The following ZRANB3 variants were observed in gnomAD, a reference collection of about 807,000 sequenced individuals.
ZRANB3 encodes the protein zinc finger RANBP2-type containing 3, also known as DNA annealing helicase and endonuclease ZRANB3.
Under a neutral mutation model 133.8 loss-of-function variants are expected in ZRANB3, and 125 were observed. That is an observed-to-expected ratio of 0.93 (90% CI 0.81 to 1.08). The LOEUF (loss-of-function observed/expected upper bound fraction) is 1.08. Among genes scored for constraint, ZRANB3 ranks in the 50% least tolerant of loss-of-function variants. The pLI is 0.00. For synonymous variants in ZRANB3, 387 were observed against 432.7 expected (o/e 0.89, Z 1.31); for missense variants, 1,229 against 1,275.5 (o/e 0.96, Z 0.56).
intron 3 of ZRANB3, among the ~76,000 whole-genome samples, chr2:135,386,710 G>A (rs1214728375): frequency 1.3e-5 from 2 of 152,146 alleles, no homozygotes; most frequent in South Asian, 2.1e-4. Context: ...GATGAAGCTG[G>A]AAACCATAAT....
intron 19 of ZRANB3, among the ~76,000 whole-genome samples, chr2:135,205,232 T>G (rs1482362433): frequency 6.6e-6 from 1 of 152,170 alleles, no homozygotes; most frequent in Non-Finnish European, 1.5e-5. Context: ...GGGCACACAG[T>G]GGCTGAGGGG....
intron 12 of ZRANB3, among the ~76,000 whole-genome samples, chr2:135,248,904 T>TCAA (rs796422861): frequency 1.3e-5 from 2 of 151,696 alleles, no homozygotes; most frequent in South Asian, 2.1e-4. Flanking sequence ...AGACTCTGTC[T>TCAA]CAACAACAAC....
chr2:135,485,933 G>A (rs1382857019), intron 2 of ZRANB3, among the ~76,000 whole-genome samples: 1 of 152,080 alleles, frequency 6.6e-6, no homozygotes. Flanking sequence ...AAACATTCTT[G>A]TTCAACAGTA....
chr2:135,251,094 C>T (rs1679369635), intron 12 of ZRANB3, among the ~76,000 whole-genome samples: 1 of 152,238 alleles, frequency 6.6e-6, no homozygotes, highest in African/African-American at 2.4e-5. Context: ...CCTTTTGCAT[C>T]AGTGTTACCT....
At position 135,353,503 on chromosome 2, in the gene ZRANB3, G is replaced by C; in HGVS notation, c.306C>G (p.Ile102Met). 1 of 1,609,680 alleles carries C rather than the reference G, an allele frequency of 6.2e-7. No homozygotes were observed. The highest frequency in any genetic ancestry group is 8.5e-7 in the Non-Finnish European group (1 of 1,177,530). ...YPWTEEIEKW[I>M]PELSPEEINV... The stretch of plus-strand genomic sequence containing the variant: ...TGATTTCTTCTGGACTTAGCTCTGG[G>C]ATCCATTTTTCAATTTCTTCTGTCC... The change falls in exon 4 of 21, where the codon ATC (isoleucine) becomes ATG (methionine). Residue 102 changes from isoleucine (I) to methionine (M), a missense_variant. Ile to Met is a conservative substitution (Grantham distance 10, BLOSUM62 1). Coordinates refer to ENST00000264159, the MANE Select transcript of ZRANB3 (RefSeq NM_032143.4).
intron 2 of ZRANB3, among the ~76,000 whole-genome samples, chr2:135,395,775 G>C (rs1433977636): frequency 1.3e-5 from 2 of 152,164 alleles, no homozygotes; most frequent in African/African-American, 4.8e-5. Context: ...GATTTCTTGA[G>C]TAATAACCCA....
At chr2:135,325,304 TAATA>T (rs1683753145) in intron 6 of ZRANB3, among the ~76,000 whole-genome samples, 1 of 152,150 alleles carries the variant, frequency 6.6e-6, no homozygotes, top group Non-Finnish European at 1.5e-5. Context: ...CATTGAAAAT[TAATA>T]AATGAGAAGG....
chr2:135,345,558 T>C lies in ZRANB3; in HGVS notation c.669A>G (p.Ala223=). Residue 223 remains alanine, a synonymous_variant, in exon 6 of 21, where the codon GCA becomes GCG. Transcript: ENST00000264159. ...AAAATAGTTTAACTTACCTGATGTG[T>C]GCATTACAGTATCTTTTTGCATAGT... ...WTDYAKRYCN[A]HIRYFGKRPQ... 1.2e-6 allele frequency: 2 copies of C among 1,610,864 alleles called. No homozygotes were observed. Among genetic ancestry groups the C allele is most frequent in the South Asian group, 2.2e-5 (2 of 90,422 alleles).
At chr2:135,392,306 C>T (rs1687271415) in intron 2 of ZRANB3, among the ~76,000 whole-genome samples, 2 of 128,800 alleles carry the variant, frequency 1.6e-5, no homozygotes, top group Non-Finnish European at 3.1e-5. Flanking sequence ...AAAGGGAGAC[C>T]CTATCTCTAA....
chr2:135,526,728 C>T (rs1008235564), intron 1 of ZRANB3, among the ~76,000 whole-genome samples: 1 of 152,082 alleles, frequency 6.6e-6, no homozygotes, highest in Admixed American at 6.5e-5. Context: ...CTTTGTTTTC[C>T]TACCTTCCTT....
intron 5 of ZRANB3, among the ~76,000 whole-genome samples, chr2:135,346,653 C>T (rs1684944315): frequency 6.6e-6 from 1 of 151,958 alleles, no homozygotes; most frequent in African/African-American, 2.4e-5. Flanking sequence ...TACCATGTTG[C>T]CCAGTAAGAA....
intron 7 of ZRANB3, 68 bp from the exon 8 acceptor site, chr2:135,313,673 G>T: frequency 1.0e-6 from 1 of 959,112 alleles, no homozygotes; most frequent in South Asian, 1.8e-5. Flanking sequence ...ATGCAATCAT[G>T]AATCATGTCC....
chr2:135,210,300 T>C (rs1393947087), intron 17 of ZRANB3, among the ~76,000 whole-genome samples: 4 of 151,932 alleles, frequency 2.6e-5, no homozygotes, highest in Non-Finnish European at 5.9e-5. Context: ...AATTCATCTT[T>C]GCAGAAATGC....
In ZRANB3 at chr2:135,315,437, T is replaced by G. The variant is rs760429991; in HGVS notation, c.771A>C (p.Leu257Phe). The G allele has an allele frequency of 6.2e-7, 1 of 1,603,878 alleles. No individual in the cohort carries two copies. Among genetic ancestry groups the G allele is most frequent in the South Asian group, 1.1e-5 (1 of 88,528 alleles). The change falls in exon 7 of 21, where the codon TTA becomes TTC. Residue 257 changes from leucine to phenylalanine, a missense_variant. Physicochemically the swap from Leu to Phe is conservative, Grantham distance 22 (BLOSUM62 0). Transcript: ENST00000264159. ...GTAGCTGGGTTAAAACTTCAGTCTT[T>G]AATCTTCTAATCATTATGTCACTTA... ...QLLSDIMIRR[L>F]KTEVLTQLPP...
intron 1 of ZRANB3, among the ~76,000 whole-genome samples, chr2:135,508,264 A>G (rs1693283940): frequency 6.6e-6 from 1 of 152,024 alleles, no homozygotes; most frequent in Non-Finnish European, 1.5e-5. Flanking sequence ...CAGCCTCACG[A>G]GTAGCTGGGA....
chr2:135,302,822 C>T (rs1454721623), intron 8 of ZRANB3, among the ~76,000 whole-genome samples: 2 of 152,140 alleles, frequency 1.3e-5, no homozygotes, highest in Non-Finnish European at 2.9e-5. Flanking sequence ...CTGCGCCCGG[C>T]CCCAACTAGG....
At chr2:135,464,280 GTTC>G (rs1690887353) in intron 2 of ZRANB3, among the ~76,000 whole-genome samples, 1 of 152,114 alleles carries the variant, frequency 6.6e-6, no homozygotes, top group Non-Finnish European at 1.5e-5. Context: ...ACCTCCTTTT[GTTC>G]TTCTTTCTTC....
At chr2:135,263,331 C>T (rs1244458118) in intron 12 of ZRANB3, among the ~76,000 whole-genome samples, 1 of 152,212 alleles carries the variant, frequency 6.6e-6, no homozygotes, top group African/African-American at 2.4e-5. Context: ...TGACAATCTA[C>T]ATATCCATTC....
At chr2:135,430,447 C>A (rs1422752072) in intron 2 of ZRANB3, among the ~76,000 whole-genome samples, 3 of 149,624 alleles carry the variant, frequency 2.0e-5, no homozygotes, top group East Asian at 3.9e-4. Flanking sequence ...AAAAAAAAAA[C>A]CCAAACACAT....
Sources: allele counts gnomAD v4.1 joint callset (sites outside exome capture counted in the v4.1 genomes callset), GRCh38; gene constraint gnomAD v4.1.1; transcripts MANE v1.5; gene names NCBI Gene and HGNC (gene_info 2026-07-23, HGNC 2026-07-21).